HOOK1: variants seen among roughly 807,000 people sequenced by gnomAD.
HOOK1 encodes the protein hook microtubule tethering protein 1, also known as protein Hook homolog 1.
Under a neutral mutation model 112.8 loss-of-function variants are expected in HOOK1, and 60 were observed. The observed-to-expected ratio is 0.53, with a 90% confidence interval of 0.43 to 0.66. HOOK1 has a LOEUF of 0.66. HOOK1 is among the 30% of genes least tolerant of loss of function. HOOK1 has a pLI of 0.00. For synonymous variants in HOOK1, 294 were observed against 283.8 expected (o/e 1.04, Z -0.36); for missense variants, 770 against 856.0 (o/e 0.90, Z 1.25).
chr1:59,850,149 T>G (rs1391425747), intron 12 of HOOK1, among the ~76,000 whole-genome samples: 1 of 151,650 alleles, frequency 6.6e-6, no homozygotes, highest in East Asian at 1.9e-4. Context: ...ATGTACTTAT[T>G]AGCCATTTGT....
chr1:59,866,752 A>G (rs1340367150), intron 19 of HOOK1, among the ~76,000 whole-genome samples: 2 of 152,326 alleles, frequency 1.3e-5, no homozygotes, highest in East Asian at 3.8e-4. Context: ...CAAAAGTAAA[A>G]TAATGCCTAC....
At chr1:59,870,131 A>T (rs994026022) in intron 20 of HOOK1, among the ~76,000 whole-genome samples, 28 of 152,330 alleles carry the variant, frequency 1.8e-4, no homozygotes, top group African/African-American at 6.3e-4. Context: ...CTGACATCTA[A>T]GTTGCTCTGT....
chr1:59,869,228 G>C (rs1477361113), intron 20 of HOOK1, among the ~76,000 whole-genome samples: 1 of 148,602 alleles, frequency 6.7e-6, no homozygotes, highest in Non-Finnish European at 1.5e-5. Flanking sequence ...GTCTTGCTCT[G>C]TCGCCCAGGC....
In HOOK1 at chr1:59,848,296, T is replaced by A; in HGVS notation, c.930-19T>A. 6.3e-7 allele frequency: 1 copy of A among 1,577,186 alleles called. No homozygotes were observed. The highest frequency in any genetic ancestry group is 1.1e-5 in the South Asian group (1 of 89,988). On this transcript the variant is annotated intron_variant, in intron 10 of 21. Coordinates refer to ENST00000371208, the MANE Select transcript of HOOK1 (RefSeq NM_015888.6). ...TATACTAGTTTTTGTACAGTAATGCTTAGTCTTTATGATTATAGGGCTACC... is the reference window on the plus strand; with the variant it reads ...TATACTAGTTTTTGTACAGTAATGCATAGTCTTTATGATTATAGGGCTACC...
intron 7 of HOOK1, among the ~76,000 whole-genome samples, 180 bp from the exon 8 acceptor site, chr1:59,840,127 CA>C (rs1410686062): frequency 6.6e-6 from 1 of 152,100 alleles, no homozygotes; most frequent in Non-Finnish European, 1.5e-5. Flanking sequence ...CGATGTTCAT[CA>C]GGGATATTGG....
At chr1:59,817,806 AC>A (rs1472539474) in intron 1 of HOOK1, among the ~76,000 whole-genome samples, 1 of 152,168 alleles carries the variant, frequency 6.6e-6, no homozygotes, top group Admixed American at 6.5e-5. Context: ...TCCCACTGTA[AC>A]CTGTTAACCT....
rs573189236 is a variant in HOOK1 at position 59,848,326 on chromosome 1, A to T, written c.941A>T (p.Asp314Val). The T allele has an allele frequency of 1.9e-6, 3 of 1,610,192 alleles. No homozygotes were observed. The highest frequency in any genetic ancestry group is 3.3e-5 in the Admixed American group (2 of 59,824). Residue 314 changes from aspartate (D) to valine (V), a missense_variant, in exon 11 of 22, where the codon GAT becomes GTT. Physicochemically the swap from Asp to Val is radical, Grantham distance 152 (BLOSUM62 -3). This residue lies in a region of HOOK1 where 655 missense variants were observed against 725.9 expected (regional missense o/e 0.90). Coordinates refer to ENST00000371208, the MANE Select transcript of HOOK1 (RefSeq NM_015888.6). ...DEIDVLRATS[D>V]KANKLESTVE... Reference sequence around the variant, plus strand: ...CTTTATGATTATAGGGCTACCTCTGATAAAGCAAATAAACTGGAGTCAACA... The same window carrying T: ...CTTTATGATTATAGGGCTACCTCTGTTAAAGCAAATAAACTGGAGTCAACA...
At chr1:59,864,568 A>G in intron 16 of HOOK1, 64 bp from the exon 17 acceptor site, 1 of 997,792 alleles carries the variant, frequency 1.0e-6, no homozygotes, top group Non-Finnish European at 1.6e-6. Flanking sequence ...AGAGATTTCG[A>G]TGTCTGGAAA....
At chr1:59,818,239 T>C (rs1033072824) in intron 1 of HOOK1, among the ~76,000 whole-genome samples, 1 of 152,082 alleles carries the variant, frequency 6.6e-6, no homozygotes, top group East Asian at 1.9e-4. Context: ...AGATAGAAGA[T>C]TAAAAAAAGT....
At chr1:59,871,000 G>A (rs1264150459) in intron 20 of HOOK1, 42 bp from the exon 21 acceptor site, 1 of 1,246,844 alleles carries the variant, frequency 8.0e-7, no homozygotes, top group South Asian at 1.2e-5. Context: ...GTAATTTGGG[G>A]TAATTTCTGG....
At chr1:59,851,991 C>A (rs1047114789) in intron 12 of HOOK1, among the ~76,000 whole-genome samples, 1 of 151,428 alleles carries the variant, frequency 6.6e-6, no homozygotes, top group Non-Finnish European at 1.5e-5. Flanking sequence ...TCATGTTAAA[C>A]CGATCTTGCA....
At chr1:59,856,448 C>T (rs1013998872) in intron 12 of HOOK1, among the ~76,000 whole-genome samples, 1 of 150,894 alleles carries the variant, frequency 6.6e-6, no homozygotes, top group Non-Finnish European at 1.5e-5. Flanking sequence ...CCCACTGGCA[C>T]TCTCACTGGC....
chr1:59,844,671 C>T (rs1028973607), intron 9 of HOOK1, among the ~76,000 whole-genome samples: 9 of 151,908 alleles, frequency 5.9e-5, no homozygotes, highest in Admixed American at 3.9e-4. Context: ...TAATTGATAT[C>T]TTAACTATAT....
intron 15 of HOOK1, among the ~76,000 whole-genome samples, chr1:59,861,375 T>G (rs1048235486): frequency 6.6e-6 from 1 of 152,226 alleles, no homozygotes; most frequent in Non-Finnish European, 1.5e-5. Context: ...ACTTATTAAC[T>G]GTTTCTGGAC....
chr1:59,854,763 G>T (rs1242423950), intron 12 of HOOK1, among the ~76,000 whole-genome samples: 2 of 152,092 alleles, frequency 1.3e-5, no homozygotes, highest in East Asian at 3.8e-4. Context: ...ATATATCCAG[G>T]TGTGTGGATC....
rs1559051826 is a variant in HOOK1 at position 59,843,504 on chromosome 1, T to C, written c.694T>C (p.Leu232=). 2 of 1,611,010 alleles carry C rather than the reference T, an allele frequency of 1.2e-6. No homozygotes were observed. The highest frequency in any genetic ancestry group is 2.2e-5 in the East Asian group (1 of 44,700). The part of the protein sequence containing the change: ...NEMMNEKLDQ[L]DGSFDDPNTV... ...GATGATGAATGAAAAACTTGACCAG[T>C]TGGATGGCTCTTTTGATGATCCAAA... Residue 232 remains leucine (L), a synonymous_variant, in exon 9 of 22, where the codon TTG becomes CTG. Coordinates refer to ENST00000371208, the MANE Select transcript of HOOK1 (RefSeq NM_015888.6).
chr1:59,815,465 T>A (rs939058865), intron 1 of HOOK1: 8 of 491,336 alleles, frequency 1.6e-5, no homozygotes, highest in Non-Finnish European at 2.9e-5. Flanking sequence ...CCCTAACAGC[T>A]GGGATATGAA....
chr1:59,870,022 C>T (rs12072754), intron 20 of HOOK1, among the ~76,000 whole-genome samples: 7,229 of 152,180 alleles, frequency 0.048, 403 homozygotes, highest in African/African-American at 0.13. Context: ...GCCAGGGTTG[C>T]AGCATTATTA....
intron 1 of HOOK1, among the ~76,000 whole-genome samples, chr1:59,819,401 C>T (rs1272850565): frequency 1.3e-5 from 2 of 152,038 alleles, no homozygotes; most frequent in Non-Finnish European, 2.9e-5. Flanking sequence ...CCACCTGCCT[C>T]GGCCTCCCAA....
Sources: gnomAD v4.1 joint callset for allele counts (sites outside exome capture counted in the v4.1 genomes callset) on GRCh38, gnomAD v4.1.1 for gene constraint, gnomAD v4.1.1 regional missense constraint, MANE v1.5 for transcripts, NCBI Gene and HGNC (gene_info 2026-07-23, HGNC 2026-07-21) for gene names.